The following RAPGEF4 variants were observed in gnomAD, a reference collection of about 807,000 sequenced individuals.
RAPGEF4 encodes the protein Rap guanine nucleotide exchange factor 4.
Under a neutral mutation model 147.9 loss-of-function variants are expected in RAPGEF4, and 66 were observed. That is an observed-to-expected ratio of 0.45 (90% CI 0.37 to 0.55). RAPGEF4 has a LOEUF of 0.55. RAPGEF4 is among the 20% of genes least tolerant of loss of function. The pLI is 0.00. For missense variants in RAPGEF4, 1,071 were observed against 1,257.3 expected (o/e 0.85, Z 2.24); for synonymous variants, 419 against 442.7 (o/e 0.95, Z 0.67).
intron 1 of RAPGEF4, among the ~76,000 whole-genome samples, chr2:172,788,886 C>G (rs1439680297): frequency 6.6e-6 from 1 of 150,606 alleles, no homozygotes; most frequent in Non-Finnish European, 1.5e-5. Flanking sequence ...AGAGTGAGAC[C>G]CTATCTAAAT....
chr2:172,943,360 A>G (rs1057432162), intron 6 of RAPGEF4, among the ~76,000 whole-genome samples: 2 of 152,180 alleles, frequency 1.3e-5, no homozygotes, highest in Non-Finnish European at 2.9e-5. Flanking sequence ...CTCTTTCCTC[A>G]GAGGGCAGCA....
intron 3 of RAPGEF4, among the ~76,000 whole-genome samples, chr2:172,811,621 A>G (rs1377039200): frequency 2.0e-5 from 3 of 152,218 alleles, no homozygotes; most frequent in Non-Finnish European, 4.4e-5. Flanking sequence ...ACATCCAGAA[A>G]CAGACACTTT....
intron 1 of RAPGEF4, among the ~76,000 whole-genome samples, chr2:172,739,017 T>C (rs1694064007): frequency 6.6e-6 from 1 of 152,216 alleles, no homozygotes; most frequent in African/African-American, 2.4e-5. Flanking sequence ...GCAAGTGTTG[T>C]AGATATGTAG....
chr2:172,857,788 C>T (rs776732790), intron 4 of RAPGEF4, among the ~76,000 whole-genome samples: 32 of 150,746 alleles, frequency 2.1e-4, no homozygotes, highest in Non-Finnish European at 2.8e-4. Context: ...ACTGAGGTGG[C>T]GAAGATCACT....
At chr2:172,876,621 C>T (rs1230638121) in intron 4 of RAPGEF4, among the ~76,000 whole-genome samples, 1 of 152,092 alleles carries the variant, frequency 6.6e-6, no homozygotes, top group Non-Finnish European at 1.5e-5. Flanking sequence ...GGTGGATAAG[C>T]TTTTTGATGT....
intron 6 of RAPGEF4, among the ~76,000 whole-genome samples, chr2:172,945,355 C>T (rs1044424423): frequency 3.9e-5 from 6 of 152,034 alleles, no homozygotes; most frequent in African/African-American, 1.2e-4. Context: ...TAGGTTTTTG[C>T]TATTCCAGGA....
At chr2:172,941,601 G>A (rs781728837) in intron 6 of RAPGEF4, among the ~76,000 whole-genome samples, 1 of 152,130 alleles carries the variant, frequency 6.6e-6, no homozygotes, top group Non-Finnish European at 1.5e-5. Flanking sequence ...AAAAATCAGT[G>A]ATTAGGGGAG....
At chr2:173,007,195 G>A (rs1325693023) in intron 17 of RAPGEF4, among the ~76,000 whole-genome samples, 1 of 152,184 alleles carries the variant, frequency 6.6e-6, no homozygotes, top group Non-Finnish European at 1.5e-5. Flanking sequence ...TTGCATTAGG[G>A]CACGTCCTAA....
intron 4 of RAPGEF4, among the ~76,000 whole-genome samples, chr2:172,864,635 G>A (rs780034160): frequency 1.3e-4 from 20 of 152,356 alleles, no homozygotes; most frequent in Admixed American, 1.3e-4. Flanking sequence ...CGGGCACAGC[G>A]GCTCACGCCT....
chr2:173,016,188 T>G (rs1695491670), intron 18 of RAPGEF4, among the ~76,000 whole-genome samples, 161 bp from the exon 19 acceptor site: 1 of 152,178 alleles, frequency 6.6e-6, no homozygotes, highest in African/African-American at 2.4e-5. Context: ...AACTTAGACA[T>G]AGTGTAACAT....
At chr2:172,750,646 T>G (rs1205364505) in intron 1 of RAPGEF4, among the ~76,000 whole-genome samples, 2 of 152,208 alleles carry the variant, frequency 1.3e-5, no homozygotes, top group African/African-American at 2.4e-5. Flanking sequence ...TCAATGACAC[T>G]TGTTATTTTA....
intron 1 of RAPGEF4, among the ~76,000 whole-genome samples, chr2:172,780,682 G>A (rs983004283): frequency 1.2e-4 from 18 of 152,026 alleles, no homozygotes; most frequent in Admixed American, 2.6e-4. Flanking sequence ...GATTGATAGC[G>A]CTATCTCATT....
intron 9 of RAPGEF4, among the ~76,000 whole-genome samples, chr2:172,965,926 G>A (rs1575394251): frequency 6.6e-6 from 1 of 152,204 alleles, no homozygotes; most frequent in Non-Finnish European, 1.5e-5. Context: ...TGCAGCCCGA[G>A]TGCATCAGTT....
chr2:172,763,525 T>C lies in RAPGEF4; in HGVS notation c.65+27477T>C, dbSNP rs118159823. Among the ~76,000 whole-genome samples the C allele has an allele frequency of 2.7e-4, 41 of 152,242 alleles. No homozygotes were observed. In the East Asian group the frequency reaches 6.4e-3, roughly 24 times the overall value. Reference sequence around the variant, plus strand: ...CCCAGAGGAGGTGGCATGAAAGCAATAAACAGGAGTAGGTGAGAGAACATC... The same window carrying C: ...CCCAGAGGAGGTGGCATGAAAGCAACAAACAGGAGTAGGTGAGAGAACATC... On this transcript the variant is annotated intron_variant, in intron 1 of 30. Transcript: ENST00000397081.
chr2:172,804,854 T>C (rs779900009), intron 3 of RAPGEF4, among the ~76,000 whole-genome samples: 1 of 152,196 alleles, frequency 6.6e-6, no homozygotes, highest in African/African-American at 2.4e-5. Flanking sequence ...TGATGTACAC[T>C]TCAGGCCCTC....
intron 6 of RAPGEF4, among the ~76,000 whole-genome samples, chr2:172,948,222 G>A (rs1262082869): frequency 6.6e-6 from 1 of 152,194 alleles, no homozygotes; most frequent in African/African-American, 2.4e-5. Context: ...ATGTCTTTTA[G>A]TGAATGTATG....
intron 4 of RAPGEF4, among the ~76,000 whole-genome samples, chr2:172,852,042 A>G (rs1261958302): frequency 6.6e-6 from 1 of 152,258 alleles, no homozygotes; most frequent in Non-Finnish European, 1.5e-5. Context: ...ATATTTTGCC[A>G]TGAATATTTA....
At chr2:172,917,920 G>T in intron 5 of RAPGEF4, 46 bp downstream of exon 5, 1 of 1,545,038 alleles carries the variant, frequency 6.5e-7, no homozygotes, top group Non-Finnish European at 8.9e-7. Flanking sequence ...TTTGTCGTGT[G>T]GTATGTGTTT....
intron 1 of RAPGEF4, among the ~76,000 whole-genome samples, chr2:172,773,838 T>C (rs1344610128): frequency 6.6e-6 from 1 of 152,042 alleles, no homozygotes; most frequent in African/African-American, 2.4e-5. Context: ...CACATAATCG[T>C]CATATAGTGA....
Sources: gnomAD v4.1 joint callset for allele counts (sites outside exome capture counted in the v4.1 genomes callset) on GRCh38, gnomAD v4.1.1 for gene constraint, MANE v1.5 for transcripts, NCBI Gene and HGNC (gene_info 2026-07-23, HGNC 2026-07-21) for gene names.